The following BRWD1 variants were observed in gnomAD, a reference collection of about 807,000 sequenced individuals.
The protein encoded by BRWD1 is bromodomain and WD repeat-containing protein 1.
A neutral mutation model predicts 251.2 loss-of-function variants in BRWD1; 82 were observed. The ratio of observed to expected loss-of-function variants is 0.33; its 90% confidence interval spans 0.27 to 0.39. BRWD1 has a LOEUF of 0.39. BRWD1 is among the 10% of genes least tolerant of loss of function. The probability of loss-of-function intolerance (pLI) is 1.00; values close to 1 mark genes in which losing one functional copy is unlikely to be tolerated. For synonymous variants in BRWD1, 918 were observed against 902.8 expected, an observed-to-expected ratio of 1.02 and a Z score of -0.30; for missense variants, 2,233 against 2,711.6, an observed-to-expected ratio of 0.82 and a Z score of 3.92.
intron 25 of BRWD1, 49 bp downstream of exon 25, chr21:39,232,124 TTAAC>T (rs1034494749): frequency 2.3e-6 from 3 of 1,307,790 alleles, no homozygotes; most frequent in African/African-American, 3.0e-5. Flanking sequence ...TGTAAGTAAT[TTAAC>T]TATGTATGTG....
chr21:39,255,132 C>T (rs555614343), intron 19 of BRWD1, among the ~76,000 whole-genome samples: 11 of 152,040 alleles, frequency 7.2e-5, no homozygotes, highest in Non-Finnish European at 1.0e-4. Flanking sequence ...AAGACGGAGC[C>T]GGGCGTGGTG....
rs542723279 is a variant in BRWD1 at position 39,189,672 on chromosome 21, CTG to C, written c.*6585_*6586del. On this transcript the variant is annotated 3_prime_UTR_variant, in exon 41 of 41. Coordinates refer to ENST00000342449, the MANE Select transcript of BRWD1 (RefSeq NM_033656.4). The stretch of plus-strand genomic sequence containing the variant: ...TAAAAACAATCTGAGGAAGACAAAA[CTG>C]TGGAGAATTTTTTTAAATACATTCA... 3.7e-4 allele frequency: 360 copies of C among 981,882 alleles called. 1 individual carries two copies. In the African/African-American group the frequency reaches 5.2e-3, roughly 14 times the overall value. 60.8% of individuals were successfully genotyped at this position (981,882 alleles called of 1,614,324 possible).
At chr21:39,314,883 C>G (rs1385167469), upstream of BRWD1, 1 of 155,156 alleles carries the variant, frequency 6.4e-6, no homozygotes, top group Non-Finnish European at 1.4e-5. Flanking sequence ...TAGGTAATTC[C>G]TCACTAGTAA....
chr21:39,268,135 G>C (rs1424942176), intron 15 of BRWD1, among the ~76,000 whole-genome samples: 2 of 152,072 alleles, frequency 1.3e-5, no homozygotes, highest in East Asian at 3.8e-4. Context: ...AATTTAATGA[G>C]AAACAGGATA....
intron 7 of BRWD1, among the ~76,000 whole-genome samples, chr21:39,294,689 T>A (rs2035906965): frequency 6.7e-6 from 1 of 150,082 alleles, no homozygotes; most frequent in Non-Finnish European, 1.5e-5. Flanking sequence ...CACATCAAGC[T>A]ATATAATGTG....
At chr21:39,199,748 C>CT (rs984567656) in intron 39 of BRWD1, 86 bp from the exon 40 acceptor site, 6 of 1,297,980 alleles carry the variant, frequency 4.6e-6, no homozygotes, top group South Asian at 3.0e-5. Flanking sequence ...ATTTTCTTCA[C>CT]TTTTTTGGGG....
In BRWD1 at chr21:39,298,565, A is replaced by G. The variant is rs201946650; in HGVS notation, c.216T>C (p.His72=). The G allele has an allele frequency of 2.9e-5, 46 of 1,599,764 alleles. No homozygotes were observed. The East Asian group carries it at 1.0e-3, about 35-fold the overall frequency. Residue 72 remains histidine (H), a synonymous_variant, in exon 5 of 41, where the codon CAT becomes CAC. Transcript: ENST00000342449. ...SYEELVLSNK[H]VAPDHLLQIC... is the part of the protein sequence containing the mutation. ...TTTGCAAAAGATGATCAGGAGCCAC[A>G]TGCTTATTGGACAAGACCTAGTTGG...
intron 36 of BRWD1, among the ~76,000 whole-genome samples, chr21:39,207,554 G>A (rs372058809): frequency 3.3e-5 from 5 of 151,670 alleles, no homozygotes; most frequent in South Asian, 2.1e-4. Context: ...CACTGCCAGC[G>A]GGAATGTAAA....
chr21:39,235,025 G>C (rs977833932), intron 23 of BRWD1, among the ~76,000 whole-genome samples: 3 of 152,190 alleles, frequency 2.0e-5, no homozygotes, highest in Admixed American at 2.0e-4. Flanking sequence ...AAGGTGGGCA[G>C]ATCACCTGAG....
intron 15 of BRWD1, among the ~76,000 whole-genome samples, chr21:39,267,592 C>T (rs1331067585): frequency 6.6e-6 from 1 of 152,036 alleles, no homozygotes; most frequent in Non-Finnish European, 1.5e-5. Context: ...GAGAGAGACT[C>T]TGTCTCAAAC....
At chr21:39,261,688 T>C (rs567169724) in intron 17 of BRWD1, among the ~76,000 whole-genome samples, 1 of 151,390 alleles carries the variant, frequency 6.6e-6, no homozygotes, top group East Asian at 1.9e-4. Context: ...AAAGCAACCA[T>C]TACATACAAA....
At chr21:39,257,827 A>T (rs1015793866) in intron 18 of BRWD1, among the ~76,000 whole-genome samples, 4 of 152,208 alleles carry the variant, frequency 2.6e-5, no homozygotes, top group Admixed American at 2.6e-4. Context: ...CACAAAAAAA[A>T]GCAAAAGCAA....
At chr21:39,287,159 T>C (rs900262270) in intron 8 of BRWD1, among the ~76,000 whole-genome samples, 8 of 152,234 alleles carry the variant, frequency 5.3e-5, no homozygotes, top group African/African-American at 1.9e-4. Context: ...AACATTATTA[T>C]ATAATCCATA....
intron 35 of BRWD1, among the ~76,000 whole-genome samples, chr21:39,210,524 TTAGA>T (rs939854109): frequency 7.2e-5 from 11 of 152,170 alleles, no homozygotes; most frequent in Non-Finnish European, 1.5e-4. Context: ...CTGGGCCTAC[TTAGA>T]TAGAAATCTA....
intron 1 of BRWD1, among the ~76,000 whole-genome samples, chr21:39,320,746 C>T (rs1386750073): frequency 6.6e-4 from 97 of 146,976 alleles, no homozygotes; most frequent in Non-Finnish European, 5.9e-5. Context: ...TCTCGGCTCA[C>T]TACACCCTCC....
At chr21:39,226,267 A>T (rs1199558064) in intron 27 of BRWD1, among the ~76,000 whole-genome samples, 1 of 152,190 alleles carries the variant, frequency 6.6e-6, no homozygotes, top group Non-Finnish European at 1.5e-5. Context: ...AAATAAACCT[A>T]CTTTGGCCTT....
intron 4 of BRWD1, among the ~76,000 whole-genome samples, chr21:39,305,192 C>T (rs2036248141): frequency 6.6e-6 from 1 of 152,098 alleles, no homozygotes; most frequent in Non-Finnish European, 1.5e-5. Flanking sequence ...CTCCTGACCT[C>T]AAGTGATCTG....
chr21:39,268,011 T>C (rs1415972355), intron 15 of BRWD1, among the ~76,000 whole-genome samples: 1 of 152,004 alleles, frequency 6.6e-6, no homozygotes, highest in African/African-American at 2.4e-5. Flanking sequence ...CCCCTGAACT[T>C]AGAAGTTGGA....
In BRWD1 at chr21:39,197,129, T is replaced by G. The variant is rs1380509358; in HGVS notation, c.5940A>C (p.Glu1980Asp). 6.2e-7 allele frequency: 1 copy of G among 1,614,020 alleles called. No individual in the cohort carries two copies. The highest frequency in any genetic ancestry group is 8.5e-7 in the Non-Finnish European group (1 of 1,179,978). ...TTGGTACTTCACAATGTACACTTCC[T>G]TCACAATCACTCAATTTCTTCTTAG... Reference protein sequence around the residue: ...TTAKKKLSDCEGSVHCEVPSE... With the variant: ...TTAKKKLSDCDGSVHCEVPSE... Residue 1980 changes from glutamate (E) to aspartate (D), a missense_variant, in exon 41 of 41, where the codon GAA becomes GAC. Physicochemically the swap from Glu to Asp is conservative, Grantham distance 45. This residue lies in a region of BRWD1 where 928 missense variants were observed against 970.0 expected (regional missense o/e 0.96). Transcript: ENST00000342449.
Sources: gnomAD v4.1 joint callset for allele counts (sites outside exome capture counted in the v4.1 genomes callset) on GRCh38, gnomAD v4.1.1 for gene constraint, gnomAD v4.1.1 regional missense constraint, MANE v1.5 for transcripts, NCBI Gene and HGNC (gene_info 2026-07-23, HGNC 2026-07-21) for gene names.